The following PTPN4 variants were observed in gnomAD, a reference collection of about 807,000 sequenced individuals.
PTPN4 encodes protein tyrosine phosphatase non-receptor type 4.
A neutral mutation model predicts 135.5 loss-of-function variants in PTPN4; 49 were observed. The ratio of observed to expected loss-of-function variants is 0.36; its 90% CI spans 0.29 to 0.46. The LOEUF (loss-of-function observed/expected upper bound fraction) is 0.46, where lower values mean the gene tolerates loss of function less well. Ranked by LOEUF, PTPN4 falls within the 20% of genes least tolerant of loss-of-function variation. The probability of loss-of-function intolerance (pLI) is 1.00; values close to 1 mark genes in which losing one functional copy is unlikely to be tolerated. For synonymous variants in PTPN4, 333 were observed against 369.9 expected, an observed-to-expected ratio of 0.90 and a Z score of 1.14; for missense variants, 860 against 1,101.0, an observed-to-expected ratio of 0.78 and a Z score of 3.10.
At chr2:119,798,437 G>A (rs1433866297) in intron 1 of PTPN4, among the ~76,000 whole-genome samples, 1 of 152,192 alleles carries the variant, frequency 6.6e-6, no homozygotes, top group Admixed American at 6.5e-5. Context: ...AAAGTGTTGG[G>A]ATTACAGGCA....
intron 2 of PTPN4, among the ~76,000 whole-genome samples, chr2:119,838,457 A>G (rs1677329122): frequency 6.6e-6 from 1 of 152,102 alleles, no homozygotes; most frequent in African/African-American, 2.4e-5. Context: ...CTTCCAAAGT[A>G]TTTTCCCCTG....
chr2:119,804,254 A>G (rs956929789), intron 1 of PTPN4, among the ~76,000 whole-genome samples: 1 of 151,812 alleles, frequency 6.6e-6, no homozygotes, highest in African/African-American at 2.4e-5. Context: ...CTAGGACTAC[A>G]GGTGCATGCC....
chr2:119,952,381 G>C (rs1392360460), intron 19 of PTPN4, among the ~76,000 whole-genome samples: 1 of 151,524 alleles, frequency 6.6e-6, no homozygotes, highest in African/African-American at 2.4e-5. Flanking sequence ...CAATCTAATC[G>C]ACTTATTAGG....
chr2:119,767,088 A>G (rs1335628179), intron 1 of PTPN4, among the ~76,000 whole-genome samples: 1 of 152,240 alleles, frequency 6.6e-6, no homozygotes, highest in Admixed American at 6.5e-5. Flanking sequence ...TTAACATTGT[A>G]CTAGCTATGT....
chr2:119,845,978 G>A (rs1677493155), intron 2 of PTPN4, among the ~76,000 whole-genome samples: 2 of 151,984 alleles, frequency 1.3e-5, no homozygotes, highest in South Asian at 2.1e-4. Context: ...ATTTAATATC[G>A]ACATATTTGT....
intron 2 of PTPN4, among the ~76,000 whole-genome samples, chr2:119,851,769 C>T (rs1234092728): frequency 2.0e-5 from 3 of 152,144 alleles, no homozygotes; most frequent in African/African-American, 7.2e-5. Context: ...ATGTTAACAG[C>T]TGTAGATTAT....
chr2:119,954,753 AT>A (rs532944173), intron 19 of PTPN4, among the ~76,000 whole-genome samples: 365 of 152,300 alleles, frequency 2.4e-3, no homozygotes, highest in African/African-American at 8.4e-3. Context: ...GATGAAGCAT[AT>A]TTTGTTTAGC....
intron 1 of PTPN4, among the ~76,000 whole-genome samples, chr2:119,792,897 G>T (rs761531249): frequency 6.6e-6 from 1 of 152,212 alleles, no homozygotes; most frequent in Non-Finnish European, 1.5e-5. Flanking sequence ...TGTATGAATA[G>T]GGTGTGGGTC....
chr2:119,956,200 C>T (rs1164174207), intron 20 of PTPN4, among the ~76,000 whole-genome samples: 1 of 148,086 alleles, frequency 6.8e-6, no homozygotes, highest in Non-Finnish European at 1.5e-5. Context: ...TTTATTCAGA[C>T]TATATCAACC....
chr2:119,951,839 T>A (rs904446041), intron 18 of PTPN4, 134 bp from the exon 19 acceptor site: 1 of 684,558 alleles, frequency 1.5e-6, no homozygotes, highest in African/African-American at 1.9e-5. Context: ...ATTTTTTAAA[T>A]AGATAATAAA....
At chr2:119,945,262 T>G in intron 16 of PTPN4, 22 bp downstream of exon 16, 1 of 1,496,356 alleles carries the variant, frequency 6.7e-7, no homozygotes, top group Non-Finnish European at 8.9e-7. Context: ...CTTCAGATAT[T>G]CTCATTTTTA....
intron 9 of PTPN4, among the ~76,000 whole-genome samples, chr2:119,887,617 C>T (rs1678178743): frequency 6.6e-6 from 1 of 152,170 alleles, no homozygotes; most frequent in Non-Finnish European, 1.5e-5. Flanking sequence ...TTCTCAGAAC[C>T]GTTTATTGCA....
intron 9 of PTPN4, among the ~76,000 whole-genome samples, chr2:119,898,096 A>AAG (rs1450013163): frequency 1.2e-4 from 18 of 152,222 alleles, no homozygotes; most frequent in African/African-American, 4.3e-4. Flanking sequence ...TAAACAACAA[A>AAG]ACATAACTGG....
chr2:119,922,557 T>G (rs1678753221), intron 12 of PTPN4, among the ~76,000 whole-genome samples: 1 of 152,240 alleles, frequency 6.6e-6, no homozygotes, highest in Non-Finnish European at 1.5e-5. Context: ...ATATCCTTTA[T>G]ATATATTGTT....
At chr2:119,866,492 A>C (rs1382373736) in intron 3 of PTPN4, among the ~76,000 whole-genome samples, 6 of 152,070 alleles carry the variant, frequency 3.9e-5, no homozygotes, top group Non-Finnish European at 8.8e-5. Flanking sequence ...ATGCCTAGAG[A>C]TTTCTGAATC....
At chr2:119,789,091 CTTTTTT>C (rs547900319) in intron 1 of PTPN4, among the ~76,000 whole-genome samples, 3 of 142,696 alleles carry the variant, frequency 2.1e-5, no homozygotes, top group African/African-American at 7.7e-5. Context: ...TTTCTTTTTT[CTTTTTT>C]TTTTTTTAAA....
At chr2:119,898,917 T>G (rs1237278989) in intron 9 of PTPN4, among the ~76,000 whole-genome samples, 7 of 152,192 alleles carry the variant, frequency 4.6e-5, no homozygotes, top group African/African-American at 1.7e-4. Context: ...GGCTTCTCTG[T>G]TTATTGGGTT....
intron 1 of PTPN4, among the ~76,000 whole-genome samples, chr2:119,771,854 A>G (rs756408046): frequency 2.6e-5 from 4 of 152,168 alleles, no homozygotes; most frequent in Admixed American, 2.6e-4. Context: ...CTCTTGTAGT[A>G]GTCTTTTTAA....
At chr2:119,830,593 A>G (rs1349014096) in intron 2 of PTPN4, among the ~76,000 whole-genome samples, 1 of 151,968 alleles carries the variant, frequency 6.6e-6, no homozygotes, top group Non-Finnish European at 1.5e-5. Flanking sequence ...CTCAGCCTCC[A>G]GAGTAGCTGA....
Sources: gnomAD v4.1 joint callset for allele counts (sites outside exome capture counted in the v4.1 genomes callset) on GRCh38, gnomAD v4.1.1 for gene constraint, MANE v1.5 for transcripts, NCBI Gene and HGNC (gene_info 2026-07-23, HGNC 2026-07-21) for gene names.